The following ULK4 variants were observed in gnomAD, a reference collection of about 807,000 sequenced individuals.
ULK4 encodes inactive serine/threonine-protein kinase ULK4.
In ULK4, 133 loss-of-function variants were observed where a neutral mutation model predicts 160.6. That is an observed-to-expected ratio of 0.83 (90% CI 0.72 to 0.96). The LOEUF is 0.96. ULK4 is among the 40% of genes least tolerant of loss of function. ULK4 has a pLI of 0.00. For synonymous variants in ULK4, 534 were observed against 539.8 expected (o/e 0.99, Z 0.15); for missense variants, 1,580 against 1,499.5 (o/e 1.05, Z -0.89).
At chr3:41,728,302 C>T (rs541456571) in intron 22 of ULK4, among the ~76,000 whole-genome samples, 1 of 152,220 alleles carries the variant, frequency 6.6e-6, no homozygotes, top group African/African-American at 2.4e-5. Context: ...CAAGATTGGG[C>T]AGCTGCATCT....
intron 35 of ULK4, among the ~76,000 whole-genome samples, chr3:41,351,805 A>G (rs1348864105): frequency 6.6e-6 from 1 of 152,154 alleles, no homozygotes; most frequent in African/African-American, 2.4e-5. Flanking sequence ...CAGACACCCA[A>G]GGGACTTCTA....
At chr3:41,735,104 A>G (rs1438497994) in intron 22 of ULK4, among the ~76,000 whole-genome samples, 1 of 152,204 alleles carries the variant, frequency 6.6e-6, no homozygotes, top group Non-Finnish European at 1.5e-5. Context: ...GAAATTGTTT[A>G]AAGGAAAGAA....
rs114521180 is a variant in ULK4 at position 41,530,599 on chromosome 3, C to T, written c.3226+35426G>A. ...TAATGTAATGTCACAGCCCAGCCTA[C>T]AGCTGAGTTCTCTGCCAACCTACAG... On this transcript the variant is annotated intron_variant, in intron 32 of 36. Transcript: ENST00000301831. 2.6e-3 allele frequency among the ~76,000 whole-genome samples: 390 copies of T among 152,254 alleles called. 1 individual carries two copies. The highest frequency in any genetic ancestry group is 6.9e-3 in the Admixed American group (106 of 15,298).
chr3:41,514,258 T>C (rs545166373), intron 32 of ULK4, among the ~76,000 whole-genome samples: 7 of 152,284 alleles, frequency 4.6e-5, no homozygotes, highest in South Asian at 2.1e-4. Flanking sequence ...AAACAGCCTT[T>C]TTGGGGGGAC....
At chr3:41,374,388 A>T (rs1012514494) in intron 35 of ULK4, among the ~76,000 whole-genome samples, 3 of 152,220 alleles carry the variant, frequency 2.0e-5, no homozygotes, top group Admixed American at 6.5e-5. Context: ...AAAATCCTCA[A>T]CAAAATGCTG....
intron 16 of ULK4, 94 bp from the exon 17 acceptor site, chr3:41,884,046 A>C (rs567293770): frequency 1.2e-6 from 1 of 865,316 alleles, no homozygotes; most frequent in East Asian, 2.5e-5. Context: ...TGAGCATTAG[A>C]TATAAGACTG....
intron 35 of ULK4, among the ~76,000 whole-genome samples, chr3:41,397,316 G>C (rs1200022401): frequency 6.6e-6 from 1 of 152,106 alleles, no homozygotes; most frequent in Admixed American, 6.6e-5. Flanking sequence ...CCTTACAGTG[G>C]AATGCTGGGA....
chr3:41,866,652 C>T (rs540430893), intron 17 of ULK4, among the ~76,000 whole-genome samples: 5 of 152,226 alleles, frequency 3.3e-5, no homozygotes, highest in East Asian at 1.9e-4. Flanking sequence ...GTCCACAGCC[C>T]GGTTTGGGGA....
intron 17 of ULK4, among the ~76,000 whole-genome samples, chr3:41,841,696 A>C (rs1318162936): frequency 6.6e-6 from 1 of 152,018 alleles, no homozygotes; most frequent in African/African-American, 2.4e-5. Context: ...TGTCGAAAAG[A>C]AAAGGGGAAA....
At chr3:41,901,006 T>TA (rs1698332615) in intron 12 of ULK4, among the ~76,000 whole-genome samples, 177 bp from the exon 13 acceptor site, 1 of 151,920 alleles carries the variant, frequency 6.6e-6, no homozygotes, top group Non-Finnish European at 1.5e-5. Context: ...TCCTAAACTG[T>TA]AGGCACCATC....
chr3:41,632,735 CAA>C (rs71616020), intron 30 of ULK4, among the ~76,000 whole-genome samples: 87 of 141,862 alleles, frequency 6.1e-4, no homozygotes, highest in African/African-American at 1.7e-3. Context: ...TGGATTCTAA[CAA>C]AAAAAAAAAA....
chr3:41,476,939 G>A (rs1460459372), intron 32 of ULK4, among the ~76,000 whole-genome samples: 1 of 152,128 alleles, frequency 6.6e-6, no homozygotes, highest in African/African-American at 2.4e-5. Context: ...ATAGAGAAAC[G>A]TGTACCTCAG....
At chr3:41,514,356 CA>C (rs1008886901) in intron 32 of ULK4, among the ~76,000 whole-genome samples, 4 of 152,066 alleles carry the variant, frequency 2.6e-5, no homozygotes, top group African/African-American at 9.7e-5. Context: ...CCAGGTCAAA[CA>C]AAAGACCTGG....
chr3:41,268,797 C>T (rs2079088767), intron 35 of ULK4, among the ~76,000 whole-genome samples: 1 of 137,556 alleles, frequency 7.3e-6, no homozygotes, highest in Admixed American at 7.5e-5. Context: ...GAGCAAGACT[C>T]CGTCTCACAC....
At chr3:41,316,296 T>C (rs543010180) in intron 35 of ULK4, among the ~76,000 whole-genome samples, 95 of 152,284 alleles carry the variant, frequency 6.2e-4, no homozygotes, top group African/African-American at 2.2e-3. Flanking sequence ...AGGCTGACTT[T>C]TGGGGTGATA....
chr3:41,936,057 A>T, intron 3 of ULK4, 117 bp from the exon 4 acceptor site: 1 of 1,336,610 alleles, frequency 7.5e-7, no homozygotes, highest in South Asian at 1.4e-5. Flanking sequence ...GTAAACGCTG[A>T]CAGCCTGGTC....
intron 35 of ULK4, among the ~76,000 whole-genome samples, chr3:41,333,389 A>C (rs887682562): frequency 5.9e-5 from 9 of 152,236 alleles, no homozygotes; most frequent in African/African-American, 2.2e-4. Context: ...GACATACTGT[A>C]AATTGCTGAA....
At chr3:41,947,322 A>G (rs1000464570) in intron 2 of ULK4, among the ~76,000 whole-genome samples, 1 of 152,204 alleles carries the variant, frequency 6.6e-6, no homozygotes, top group Admixed American at 6.5e-5. Context: ...ATGACACCTG[A>G]AAGTGTGGTT....
intron 18 of ULK4, among the ~76,000 whole-genome samples, chr3:41,824,464 C>T (rs1380362480): frequency 1.3e-5 from 2 of 152,262 alleles, no homozygotes; most frequent in East Asian, 3.9e-4. Context: ...GTCACTCGCA[C>T]CCTAATACTG....
Sources: allele counts gnomAD v4.1 joint callset (sites outside exome capture counted in the v4.1 genomes callset), GRCh38; gene constraint gnomAD v4.1.1; transcripts MANE v1.5; gene names NCBI Gene and HGNC (gene_info 2026-07-23, HGNC 2026-07-21).